DESI2: variants seen among roughly 807,000 people sequenced by gnomAD.
The protein encoded by DESI2 is desumoylating isopeptidase 2.
In DESI2, 10 loss-of-function variants were observed where a neutral mutation model predicts 24.1. The observed-to-expected ratio is 0.41, with a 90% confidence interval of 0.26 to 0.70. The LOEUF (loss-of-function observed/expected upper bound fraction) is 0.70, where lower values mean the gene tolerates loss of function less well. Ranked by LOEUF, DESI2 falls within the 30% of genes least tolerant of loss-of-function variation. DESI2 has a pLI of 0.29. For missense variants in DESI2, 122 were observed against 234.9 expected, an observed-to-expected ratio of 0.52 and a Z score of 3.14; for synonymous variants, 71 against 87.7, an observed-to-expected ratio of 0.81 and a Z score of 1.06.
intron 1 of DESI2, 197 bp downstream of exon 1, chr1:244,653,552 T>G (rs1183357320): frequency 2.5e-5 from 14 of 564,170 alleles, no homozygotes; most frequent in Non-Finnish European, 3.8e-5. Context: ...GTGAACCCAG[T>G]CAGCCCGAGG....
intron 1 of DESI2, 42 bp downstream of exon 1, chr1:244,653,397 G>A (rs962367873): frequency 2.0e-6 from 3 of 1,535,422 alleles, no homozygotes; most frequent in Non-Finnish European, 2.6e-6. Flanking sequence ...GGCCCAGGCC[G>A]GCTTCCTCTC....
chr1:244,669,170 A>AT (rs1042084810), intron 1 of DESI2, among the ~76,000 whole-genome samples: 1 of 151,630 alleles, frequency 6.6e-6, no homozygotes, highest in Non-Finnish European at 1.5e-5. Flanking sequence ...TAATTGTTTA[A>AT]TTTTTTTGTA....
At position 244,653,215 on chromosome 1, in the gene DESI2, C is replaced by T. The variant is rs1445956057; in HGVS notation, c.-99C>T. ...CGGGCCGGGCTGTACGCTTAGTGCC[C>T]GGCTCAGGCCCCCTGAAGCGCCCGC... On this transcript the variant is annotated 5_prime_UTR_variant, in exon 1 of 5. Transcript: ENST00000302550. 5 of 1,270,478 alleles carry T rather than the reference C, an allele frequency of 3.9e-6. No individual in the cohort carries two copies. Among genetic ancestry groups the T allele is most frequent in the Admixed American group, 3.1e-5 (1 of 31,766 alleles). 78.7% of individuals were successfully genotyped at this position (1,270,478 alleles called of 1,614,324 possible).
At position 244,704,171 on chromosome 1, in the gene DESI2, A is replaced by G. The variant is rs189295529; in HGVS notation, c.352-1385A>G. Among the ~76,000 whole-genome samples, 5 of 152,344 alleles carry G rather than the reference A, an allele frequency of 3.3e-5. No homozygotes were observed. The East Asian group carries it at 7.7e-4, about 24-fold the overall frequency. On this transcript the variant is annotated intron_variant, in intron 4 of 4. Transcript: ENST00000302550. Reference sequence around the variant, plus strand: ...GAGAAAAGGTACACGTTGTATAATTATAGGTGCCAACTTATTAAATTTTAG... The same window carrying G: ...GAGAAAAGGTACACGTTGTATAATTGTAGGTGCCAACTTATTAAATTTTAG...
At chr1:244,693,869 A>G (rs1416992298) in intron 4 of DESI2, among the ~76,000 whole-genome samples, 1 of 152,242 alleles carries the variant, frequency 6.6e-6, no homozygotes. Flanking sequence ...TATGGTATAT[A>G]TTCCATTAAA....
intron 1 of DESI2, among the ~76,000 whole-genome samples, chr1:244,675,636 G>GTA (rs1676390289): frequency 6.6e-6 from 1 of 152,156 alleles, no homozygotes; most frequent in Admixed American, 6.5e-5. Context: ...TCATTGATCT[G>GTA]TATGTCTATC....
At chr1:244,679,018 A>C (rs1676508587) in intron 1 of DESI2, among the ~76,000 whole-genome samples, 1 of 152,174 alleles carries the variant, frequency 6.6e-6, no homozygotes, top group Non-Finnish European at 1.5e-5. Context: ...GATACCTTGC[A>C]GTATTTTCCA....
chr1:244,708,141 ATC>A lies in DESI2; in HGVS notation c.*2354_*2355del, dbSNP rs1190623422. ...AAAAAGAATCATTCTCAACCTGATA[ATC>A]TGTTAAGAAAAATCCCATATGAACA... On this transcript the variant is annotated 3_prime_UTR_variant, in exon 5 of 5. Coordinates refer to ENST00000302550, the MANE Select transcript of DESI2 (RefSeq NM_016076.5). 12 of 152,358 alleles carry A rather than the reference ATC, an allele frequency of 7.9e-5. No individual in the cohort carries two copies. Among genetic ancestry groups the A allele is most frequent in the African/African-American group, 2.4e-4 (10 of 41,588 alleles). 9.4% of individuals were successfully genotyped at this position (152,358 alleles called of 1,614,324 possible). A position where few individuals can be genotyped will look rare whatever the true frequency, so the allele number is the denominator to read the frequency against.
rs753165947 is a variant in DESI2 at position 244,707,728 on chromosome 1, ATTAG to A, written c.*1944_*1947del. On this transcript the variant is annotated 3_prime_UTR_variant, in exon 5 of 5. Transcript: ENST00000302550. ...GGCTACTGACACACACACAGTAGCC[ATTAG>A]TTAGACTCTTCTTAGTGAATATCAG... is the stretch of plus-strand genomic sequence containing the variant. The A allele has an allele frequency of 6.6e-6, 1 of 152,234 alleles. No homozygotes were observed. The highest frequency in any genetic ancestry group is 2.4e-5 in the African/African-American group (1 of 41,464). The allele number at this position is 152,234 out of a possible 1,614,324, so 9.4% of individuals were successfully genotyped here. A position where few individuals can be genotyped will look rare whatever the true frequency, so the allele number is the denominator to read the frequency against.
chr1:244,672,364 G>A (rs567262381), intron 1 of DESI2, among the ~76,000 whole-genome samples: 4 of 152,184 alleles, frequency 2.6e-5, no homozygotes, highest in South Asian at 2.1e-4. Flanking sequence ...GCCATGTGAC[G>A]TGCCTGCTCT....
At position 244,703,032 on chromosome 1, in the gene DESI2, TGCTCTGTCACCCAG is replaced by T. The variant is rs571237831; in HGVS notation, c.352-2520_352-2507del. On this transcript the variant is annotated intron_variant, in intron 4 of 4. Transcript: ENST00000302550. The stretch of plus-strand genomic sequence containing the variant: ...TTTTTTTTTTGGTGAGACGAAGTCT[TGCTCTGTCACCCAG>T]GCTGGAGTGCAGTGGCACGATCTCA... 3.1e-4 allele frequency among the ~76,000 whole-genome samples: 43 copies of T among 138,532 alleles called. 1 individual carries two copies. The highest frequency in any genetic ancestry group is 1.1e-3 in the African/African-American group (39 of 36,014). 90.9% of individuals were successfully genotyped at this position (138,532 alleles called of 152,430 possible). A position where few individuals can be genotyped will look rare whatever the true frequency, so the allele number is the denominator to read the frequency against.
chr1:244,692,059 AT>A, intron 4 of DESI2, 39 bp downstream of exon 4: 1 of 1,526,960 alleles, frequency 6.5e-7, no homozygotes, highest in South Asian at 1.2e-5. Flanking sequence ...TCAAATAAAT[AT>A]TTGCTATCCC....
intron 1 of DESI2, among the ~76,000 whole-genome samples, chr1:244,660,078 G>A (rs1464688786): frequency 2.6e-5 from 4 of 152,166 alleles, no homozygotes; most frequent in African/African-American, 9.6e-5. Context: ...CAAAACATTT[G>A]AAACTTGTAA....
chr1:244,655,401 A>G (rs1675612604), intron 1 of DESI2, among the ~76,000 whole-genome samples: 1 of 152,256 alleles, frequency 6.6e-6, no homozygotes, highest in Admixed American at 6.5e-5. Context: ...AATGATAAAT[A>G]GTTGAATTAT....
chr1:244,665,131 A>G (rs9803833), intron 1 of DESI2, among the ~76,000 whole-genome samples: 121,781 of 151,998 alleles, frequency 0.8, 49,074 homozygotes, highest in African/African-American at 0.87. Context: ...TTTTGATATC[A>G]GTTTTGATAT....
In DESI2 at chr1:244,683,557, C is replaced by T. The variant is rs542925158; in HGVS notation, c.43-3040C>T. Among the ~76,000 whole-genome samples the T allele has an allele frequency of 3.3e-4, 51 of 152,248 alleles. 1 individual carries two copies. Among genetic ancestry groups the T allele is most frequent in the Middle Eastern group, 3.4e-3 (1 of 294 alleles). ...TGATCTCCTGACCTTGTGATCCGCC[C>T]ACCTCAGCCTCCCAAAGTGCTGGGA... On this transcript the variant is annotated intron_variant, in intron 1 of 4. Transcript: ENST00000302550.
rs1677765044 is a variant in DESI2 at position 244,707,712 on chromosome 1, C to CTG, written c.*1923_*1924insTG. 6.6e-6 allele frequency: 1 copy of CTG among 152,024 alleles called. No individual in the cohort carries two copies. Among genetic ancestry groups the CTG allele is most frequent in the Admixed American group, 6.5e-5 (1 of 15,280 alleles). The allele number at this position is 152,024 out of a possible 1,614,324, so 9.4% of individuals were successfully genotyped here. On this transcript the variant is annotated 3_prime_UTR_variant, in exon 5 of 5. Transcript: ENST00000302550. Reference sequence around the variant, plus strand: ...ATATGATTTAAACCTGGGCTACTGACACACACACAGTAGCCATTAGTTAGA... The same window carrying CTG: ...ATATGATTTAAACCTGGGCTACTGACTGACACACACAGTAGCCATTAGTTAGA...
chr1:244,660,410 C>T (rs1675801308), intron 1 of DESI2, among the ~76,000 whole-genome samples: 1 of 152,212 alleles, frequency 6.6e-6, no homozygotes, highest in South Asian at 2.1e-4. Context: ...TCATGATCCA[C>T]CTGCCTCGGC....
At chr1:244,703,271 G>C (rs1677549443) in intron 4 of DESI2, among the ~76,000 whole-genome samples, 1 of 152,078 alleles carries the variant, frequency 6.6e-6, no homozygotes, top group Non-Finnish European at 1.5e-5. Context: ...CAAAGTGCTG[G>C]GATTACAGGC....
Sources: allele counts gnomAD v4.1 joint callset (sites outside exome capture counted in the v4.1 genomes callset), GRCh38; gene constraint gnomAD v4.1.1; transcripts MANE v1.5; gene names NCBI Gene and HGNC (gene_info 2026-07-23, HGNC 2026-07-21).